The following TCF12 variants were observed in gnomAD, a reference collection of about 807,000 sequenced individuals.
TCF12 encodes DNA-binding protein HTF4.
Under a neutral mutation model 86.0 loss-of-function variants are expected in TCF12, and 45 were observed. The observed-to-expected ratio is 0.52, with a 90% CI of 0.41 to 0.67. TCF12 has a LOEUF of 0.67. Among genes scored for constraint, TCF12 ranks in the 30% least tolerant of loss-of-function variants. TCF12 has a pLI of 0.00. For missense variants in TCF12, 881 were observed against 859.9 expected, an observed-to-expected ratio of 1.02 and a Z score of -0.31; for synonymous variants, 330 against 299.6, an observed-to-expected ratio of 1.10 and a Z score of -1.05.
chr15:57,127,605 C>G (rs550978449), intron 5 of TCF12, among the ~76,000 whole-genome samples: 1 of 152,220 alleles, frequency 6.6e-6, no homozygotes, highest in Admixed American at 6.5e-5. Context: ...ATGAGTTGAC[C>G]ATTTGTGAAA....
chr15:57,032,908 C>T (rs1378445650), intron 3 of TCF12, among the ~76,000 whole-genome samples: 1 of 152,194 alleles, frequency 6.6e-6, no homozygotes, highest in Non-Finnish European at 1.5e-5. Flanking sequence ...ATTAAACCCT[C>T]CATTATGAAA....
intron 8 of TCF12, among the ~76,000 whole-genome samples, chr15:57,211,230 TTTTC>T (rs1746224108): frequency 6.6e-6 from 1 of 152,186 alleles, no homozygotes; most frequent in Non-Finnish European, 1.5e-5. Flanking sequence ...ATGTCACTGC[TTTTC>T]TTTATTTTGT....
chr15:57,013,077 A>G (rs565712548), intron 3 of TCF12, among the ~76,000 whole-genome samples: 1 of 151,898 alleles, frequency 6.6e-6, no homozygotes, highest in Admixed American at 6.6e-5. Context: ...ATAGTATGGT[A>G]TTTCCATATA....
At chr15:56,975,311 C>G (rs2062544105) in intron 3 of TCF12, among the ~76,000 whole-genome samples, 1 of 152,042 alleles carries the variant, frequency 6.6e-6, no homozygotes, top group Non-Finnish European at 1.5e-5. Flanking sequence ...AAAATGTAGT[C>G]TAAAGCAAGA....
chr15:57,184,015 T>G (rs2593240), intron 6 of TCF12, among the ~76,000 whole-genome samples: 1,892 of 152,302 alleles, frequency 0.012, 42 homozygotes, highest in African/African-American at 0.043. Flanking sequence ...TTGATTTCTT[T>G]GAAGAAATAA....
chr15:57,096,245 A>G (rs1265543528), intron 5 of TCF12, among the ~76,000 whole-genome samples: 1 of 152,212 alleles, frequency 6.6e-6, no homozygotes, highest in Non-Finnish European at 1.5e-5. Context: ...GGAATGTTAA[A>G]GACTCTGAAA....
intron 3 of TCF12, among the ~76,000 whole-genome samples, chr15:56,977,566 T>A (rs1212762166): frequency 7.9e-6 from 1 of 125,852 alleles, no homozygotes; most frequent in Non-Finnish European, 1.6e-5. Flanking sequence ...TGTGTGTGTA[T>A]GTATGTGTGG....
intron 8 of TCF12, chr15:57,219,101 G>C: frequency 9.4e-7 from 1 of 1,058,670 alleles, no homozygotes; most frequent in Non-Finnish European, 1.1e-6. Flanking sequence ...TGCCACAAGT[G>C]CTCTAATTTA....
chr15:57,104,452 T>C (rs1207521077), intron 5 of TCF12, among the ~76,000 whole-genome samples: 2 of 147,610 alleles, frequency 1.4e-5, no homozygotes, highest in African/African-American at 4.9e-5. Flanking sequence ...TTTTTTTTTT[T>C]TTTTTTTGAG....
intron 3 of TCF12, among the ~76,000 whole-genome samples, chr15:57,025,660 G>A (rs1290042132): frequency 2.0e-5 from 3 of 152,180 alleles, no homozygotes; most frequent in African/African-American, 7.2e-5. Flanking sequence ...GAGAAGTTGT[G>A]TTGAAAGAAT....
chr15:57,249,669 G>A (rs1178891064), intron 13 of TCF12, among the ~76,000 whole-genome samples: 1 of 152,054 alleles, frequency 6.6e-6, no homozygotes, highest in Non-Finnish European at 1.5e-5. Flanking sequence ...TTCTAAGATA[G>A]CAAATAAATT....
chr15:57,151,522 G>T (rs1014865333), intron 5 of TCF12, among the ~76,000 whole-genome samples: 6 of 152,118 alleles, frequency 3.9e-5, no homozygotes, highest in African/African-American at 1.4e-4. Context: ...ATCTCAGCAC[G>T]TTGAGAGGCC....
intron 6 of TCF12, among the ~76,000 whole-genome samples, chr15:57,176,907 G>A (rs1287985583): frequency 6.6e-6 from 1 of 152,156 alleles, no homozygotes; most frequent in Admixed American, 6.5e-5. Flanking sequence ...GGTTTCCAGG[G>A]CTAACAATCT....
intron 3 of TCF12, among the ~76,000 whole-genome samples, chr15:57,040,743 T>C (rs1381605068): frequency 6.6e-6 from 1 of 152,240 alleles, no homozygotes; most frequent in Non-Finnish European, 1.5e-5. Flanking sequence ...AATAGTTCTT[T>C]TGAATTTTCC....
chr15:57,200,360 A>G (rs1481496840), intron 8 of TCF12, among the ~76,000 whole-genome samples: 1 of 152,190 alleles, frequency 6.6e-6, no homozygotes, highest in African/African-American at 2.4e-5. Context: ...TAGAATTTTA[A>G]GTTGTGATTT....
intron 13 of TCF12, 174 bp from the exon 14 acceptor site, chr15:57,251,176 T>G (rs766606327): frequency 3.8e-5 from 18 of 470,632 alleles, no homozygotes; most frequent in Non-Finnish European, 6.1e-5. Flanking sequence ...TTATTAATAA[T>G]GAAAGATTTT....
chr15:57,209,254 A>G (rs575308760), intron 8 of TCF12, among the ~76,000 whole-genome samples: 6 of 152,302 alleles, frequency 3.9e-5, no homozygotes, highest in African/African-American at 1.2e-4. Flanking sequence ...AAACTGAATT[A>G]TATGTCCCAT....
intron 8 of TCF12, among the ~76,000 whole-genome samples, chr15:57,218,176 G>A (rs192098723): frequency 7.9e-5 from 12 of 152,206 alleles, no homozygotes; most frequent in African/African-American, 2.9e-4. Flanking sequence ...TTTCACAGAG[G>A]ATTTCTGCTT....
chr15:56,944,608 G>A (rs966357686), intron 3 of TCF12, among the ~76,000 whole-genome samples: 48 of 152,262 alleles, frequency 3.2e-4, no homozygotes, highest in African/African-American at 1.1e-3. Context: ...AGGAGCCAGA[G>A]TAGAAAGATT....
Sources: allele counts gnomAD v4.1 joint callset (sites outside exome capture counted in the v4.1 genomes callset), GRCh38; gene constraint gnomAD v4.1.1; transcripts MANE v1.5; gene names NCBI Gene and HGNC (gene_info 2026-07-23, HGNC 2026-07-21).